The following WDFY2 variants were observed in gnomAD, a reference collection of about 807,000 sequenced individuals.
WDFY2 encodes the protein WD repeat and FYVE domain containing 2, also known as WD repeat and FYVE domain-containing protein 2.
A neutral mutation model predicts 56.4 loss-of-function variants in WDFY2; 36 were observed. That is an observed-to-expected ratio of 0.64 (90% CI 0.49 to 0.84). The LOEUF is 0.84. Among genes scored for constraint, WDFY2 ranks in the 40% least tolerant of loss-of-function variants. WDFY2 has a pLI of 0.00. For synonymous variants in WDFY2, 176 were observed against 183.7 expected (o/e 0.96, Z 0.34); for missense variants, 444 against 512.2 (o/e 0.87, Z 1.29).
intron 6 of WDFY2, among the ~76,000 whole-genome samples, chr13:51,732,023 G>A (rs1952733989): frequency 6.6e-6 from 1 of 152,118 alleles, no homozygotes; most frequent in Non-Finnish European, 1.5e-5. Context: ...CCCTCTACTG[G>A]TTTTCTTTCT....
chr13:51,668,114 C>T (rs892647713), intron 2 of WDFY2, among the ~76,000 whole-genome samples: 3 of 151,852 alleles, frequency 2.0e-5, no homozygotes. Flanking sequence ...CTCCTGACTT[C>T]GTGATGCACC....
At chr13:51,605,316 C>T (rs892089281) in intron 1 of WDFY2, among the ~76,000 whole-genome samples, 9 of 152,148 alleles carry the variant, frequency 5.9e-5, no homozygotes, top group African/African-American at 1.9e-4. Flanking sequence ...GCAGTTAGCA[C>T]GCAACACCCC....
chr13:51,669,411 G>A (rs1955769379), intron 2 of WDFY2, among the ~76,000 whole-genome samples: 2 of 152,162 alleles, frequency 1.3e-5, no homozygotes, highest in African/African-American at 4.8e-5. Context: ...TGACAGGCCA[G>A]TCAGATCTAA....
chr13:51,752,280 T>G (rs1566232696), intron 8 of WDFY2, among the ~76,000 whole-genome samples: 1 of 152,214 alleles, frequency 6.6e-6, no homozygotes, highest in South Asian at 2.1e-4. Context: ...TGCTCAGATC[T>G]TAAGTCCATG....
chr13:51,660,518 G>A, intron 1 of WDFY2, 78 bp from the exon 2 acceptor site: 1 of 1,424,972 alleles, frequency 7.0e-7, no homozygotes, highest in Non-Finnish European at 9.9e-7. Flanking sequence ...AATATTAAGA[G>A]ATTTGTTTTC....
chr13:51,681,705 A>T (rs2138518237), intron 3 of WDFY2, among the ~76,000 whole-genome samples: 1 of 152,320 alleles, frequency 6.6e-6, no homozygotes, highest in East Asian at 1.9e-4. Flanking sequence ...AAATATATGC[A>T]TATTTTAATA....
intron 1 of WDFY2, among the ~76,000 whole-genome samples, chr13:51,650,355 T>C (rs1172121137): frequency 6.6e-6 from 1 of 152,220 alleles, no homozygotes; most frequent in African/African-American, 2.4e-5. Flanking sequence ...TCATGTCATC[T>C]GCAAACAGGG....
chr13:51,694,493 A>T (rs1169767056), intron 3 of WDFY2, among the ~76,000 whole-genome samples: 1 of 152,166 alleles, frequency 6.6e-6, no homozygotes, highest in African/African-American at 2.4e-5. Flanking sequence ...CTTTTCTTTA[A>T]GAATGTTGAA....
intron 3 of WDFY2, among the ~76,000 whole-genome samples, chr13:51,691,677 C>G (rs879497519): frequency 0.011 from 1,603 of 151,962 alleles, 14 homozygotes; most frequent in Middle Eastern, 0.017. Context: ...CTTGGCGATG[C>G]GGGCTCTTTT....
At chr13:51,668,114 C>G (rs892647713) in intron 2 of WDFY2, among the ~76,000 whole-genome samples, 1 of 151,852 alleles carries the variant, frequency 6.6e-6, no homozygotes, top group Non-Finnish European at 1.5e-5. Context: ...CTCCTGACTT[C>G]GTGATGCACC....
At chr13:51,738,086 A>G (rs1220421150) in intron 6 of WDFY2, among the ~76,000 whole-genome samples, 1 of 152,254 alleles carries the variant, frequency 6.6e-6, no homozygotes, top group Non-Finnish European at 1.5e-5. Context: ...TCATTAGAAC[A>G]AACTGATAAT....
At chr13:51,755,769 T>G (rs1953361478) in intron 9 of WDFY2, among the ~76,000 whole-genome samples, 1 of 152,206 alleles carries the variant, frequency 6.6e-6, no homozygotes, top group South Asian at 2.1e-4. Flanking sequence ...ACCATGAAAT[T>G]ATATAAGTGG....
intron 1 of WDFY2, among the ~76,000 whole-genome samples, chr13:51,625,606 C>T (rs986625871): frequency 2.0e-5 from 3 of 152,194 alleles, no homozygotes; most frequent in Admixed American, 6.5e-5. Context: ...CATTAAAAAT[C>T]CTCCTCAATT....
At chr13:51,749,243 A>T (rs1156498562) in intron 7 of WDFY2, among the ~76,000 whole-genome samples, 1 of 152,194 alleles carries the variant, frequency 6.6e-6, no homozygotes, top group Non-Finnish European at 1.5e-5. Flanking sequence ...AATTAAGTAT[A>T]TATCGATCAT....
chr13:51,725,132 A>G (rs1037736688), intron 5 of WDFY2, among the ~76,000 whole-genome samples: 2 of 152,236 alleles, frequency 1.3e-5, no homozygotes, highest in East Asian at 1.9e-4. Flanking sequence ...TGGTTTTTGC[A>G]CTTGATTCTT....
Position 51,584,808 on chromosome 13 carries a change from A to C in WDFY2, c.121A>C (p.Ser41Arg). 1.2e-6 allele frequency: 2 copies of C among 1,613,824 alleles called. No homozygotes were observed. Among genetic ancestry groups the C allele is most frequent in the Non-Finnish European group, 1.7e-6 (2 of 1,179,770 alleles). The part of the protein sequence containing the change: ...VIVPKEEGVI[S>R]VSEDRTVRVW... ...CGTGCCCAAAGAGGAGGGCGTCATC[A>C]GCGTCTCCGAGGACAGGTATGGACT... Residue 41 changes from serine (S) to arginine (R), a missense_variant, in exon 1 of 12, where the codon AGC (serine) becomes CGC (arginine). Ser to Arg is a moderately radical substitution (Grantham distance 110). Transcript: ENST00000298125.
intron 1 of WDFY2, among the ~76,000 whole-genome samples, chr13:51,618,766 C>A (rs1954670332): frequency 6.6e-6 from 1 of 152,204 alleles, no homozygotes; most frequent in Admixed American, 6.5e-5. Context: ...CTGGGAATTT[C>A]TCTGAACACA....
intron 4 of WDFY2, among the ~76,000 whole-genome samples, chr13:51,705,025 C>G (rs1170705644): frequency 6.6e-6 from 1 of 152,172 alleles, no homozygotes; most frequent in Non-Finnish European, 1.5e-5. Context: ...ACCAAAACTT[C>G]CACCTTGTTT....
intron 1 of WDFY2, among the ~76,000 whole-genome samples, chr13:51,624,371 C>G (rs1454885776): frequency 2.6e-5 from 4 of 152,168 alleles, no homozygotes; most frequent in Non-Finnish European, 5.9e-5. Context: ...CCATTCATTG[C>G]TGGAAGTGGC....
Sources: allele counts gnomAD v4.1 joint callset (sites outside exome capture counted in the v4.1 genomes callset), GRCh38; gene constraint gnomAD v4.1.1; transcripts MANE v1.5; gene names NCBI Gene and HGNC (gene_info 2026-07-23, HGNC 2026-07-21).